MGAT5B: variants seen among roughly 807,000 people sequenced by gnomAD.
MGAT5B encodes N-acetylglucosaminyl-transferase Vb.
A neutral mutation model predicts 95.1 loss-of-function variants in MGAT5B; 54 were observed. The observed-to-expected ratio is 0.57, with a 90% confidence interval of 0.46 to 0.71. The LOEUF (loss-of-function observed/expected upper bound fraction) is 0.71. Among genes scored for constraint, MGAT5B ranks in the 30% least tolerant of loss-of-function variants. The pLI is 0.00. For synonymous variants in MGAT5B, 464 were observed against 451.0 expected, an observed-to-expected ratio of 1.03 and a Z score of -0.36; for missense variants, 935 against 1,088.6, an observed-to-expected ratio of 0.86 and a Z score of 1.99.
intron 8 of MGAT5B, among the ~76,000 whole-genome samples, chr17:76,920,803 C>T (rs1324991561): frequency 6.6e-6 from 1 of 152,214 alleles, no homozygotes; most frequent in African/African-American, 2.4e-5. Context: ...ACCAAGGCAC[C>T]TTCACCCCTG....
chr17:76,934,967 T>G (rs1471356096), intron 12 of MGAT5B, among the ~76,000 whole-genome samples: 1 of 152,082 alleles, frequency 6.6e-6, no homozygotes. Context: ...TTATCATCCT[T>G]CCAGGGAGCA....
At chr17:76,877,676 G>C (rs1043253863) in intron 2 of MGAT5B, among the ~76,000 whole-genome samples, 1 of 152,158 alleles carries the variant, frequency 6.6e-6, no homozygotes, top group East Asian at 1.9e-4. Context: ...TGGTTTCTGC[G>C]GTGAGCGAGT....
At chr17:76,877,056 TG>T (rs1277459660) in intron 2 of MGAT5B, among the ~76,000 whole-genome samples, 1 of 152,058 alleles carries the variant, frequency 6.6e-6, no homozygotes. Flanking sequence ...CTGGGTGTGG[TG>T]GCTCACGCCT....
At chr17:76,927,726 T>C (rs928836171) in intron 10 of MGAT5B, among the ~76,000 whole-genome samples, 5 of 152,246 alleles carry the variant, frequency 3.3e-5, no homozygotes, top group African/African-American at 7.2e-5. Flanking sequence ...TCGTGTCTGG[T>C]TCACGCTGCG....
At chr17:76,875,022 C>T (rs535011801) in intron 2 of MGAT5B, among the ~76,000 whole-genome samples, 2 of 152,314 alleles carry the variant, frequency 1.3e-5, no homozygotes, top group South Asian at 4.2e-4. Flanking sequence ...AATGAACAAT[C>T]CATGCAACTA....
chr17:76,948,638 A>G lies in MGAT5B; in HGVS notation c.2181-2A>G. On this transcript the variant is annotated splice_acceptor_variant, in intron 17 of 17. Coordinates refer to ENST00000569840, the MANE Select transcript of MGAT5B (RefSeq NM_001199172.2). LOFTEE classifies it high-confidence loss of function. ...GTGACGGTGCTGTGTGGTCCCTGCC[A>G]GGCTGCAGGTGCCCTGTGACAGCAC... 2 of 1,610,268 alleles carry G rather than the reference A, an allele frequency of 1.2e-6. No individual in the cohort carries two copies. The highest frequency in any genetic ancestry group is 1.7e-6 in the Non-Finnish European group (2 of 1,178,724).
In MGAT5B at chr17:76,926,664, C is replaced by T; in HGVS notation, c.1225C>T (p.Leu409=). Reference sequence around the variant, plus strand: ...GTACAACCACGAGGAGTACGCCACGCTGCACGGCTACCGGACCAACTGGGG... The same window carrying T: ...GTACAACCACGAGGAGTACGCCACGTTGCACGGCTACCGGACCAACTGGGG... ...PAYNHEEYAT[L]HGYRTNWGYW... Residue 409 remains leucine, a synonymous_variant, in exon 10 of 18, where the codon CTG becomes TTG. Transcript: ENST00000569840. 6.2e-7 allele frequency: 1 copy of T among 1,612,736 alleles called. No homozygotes were observed. The highest frequency in any genetic ancestry group is 8.5e-7 in the Non-Finnish European group (1 of 1,179,922).
chr17:76,932,414 G>A (rs1368626698), intron 10 of MGAT5B, among the ~76,000 whole-genome samples: 1 of 152,080 alleles, frequency 6.6e-6, no homozygotes, highest in Non-Finnish European at 1.5e-5. Flanking sequence ...GATTATAGGC[G>A]TGAGTCACCA....
chr17:76,921,672 G>C (rs1228117145), intron 8 of MGAT5B, among the ~76,000 whole-genome samples: 1 of 152,174 alleles, frequency 6.6e-6, no homozygotes, highest in African/African-American at 2.4e-5. Flanking sequence ...GGCTGCAGCT[G>C]TTGCTTCCAC....
In MGAT5B at chr17:76,870,367, G is replaced by A. The variant is rs1020249180; in HGVS notation, c.68+1270G>A. Reference sequence around the variant, plus strand: ...CCGTGGGTGGTGATGGGGGCGTCGGGAGCCCATGGGAAGCAGGGCGGGAAG... The same window carrying A: ...CCGTGGGTGGTGATGGGGGCGTCGGAAGCCCATGGGAAGCAGGGCGGGAAG... On this transcript the variant is annotated intron_variant, in intron 1 of 17. Transcript: ENST00000569840. This position sits in a 1 kb window ranked among gnomAD's most constrained non-coding sequence, Gnocchi z 5.0. Among the ~76,000 whole-genome samples, 2 of 152,136 alleles carry A rather than the reference G, an allele frequency of 1.3e-5. No individual in the cohort carries two copies. Among genetic ancestry groups the A allele is most frequent in the African/African-American group, 2.4e-5 (1 of 41,450 alleles).
chr17:76,932,958 C>T (rs1969542260), intron 11 of MGAT5B, among the ~76,000 whole-genome samples, 183 bp downstream of exon 11: 1 of 152,252 alleles, frequency 6.6e-6, no homozygotes, highest in Admixed American at 6.5e-5. Flanking sequence ...AGACACCCAG[C>T]CTAGGAGCTG....
At position 76,906,633 on chromosome 17, in the gene MGAT5B, C is replaced by T. The variant is rs927393936; in HGVS notation, c.1025+446C>T. 6.6e-6 allele frequency among the ~76,000 whole-genome samples: 1 copy of T among 152,050 alleles called. No homozygotes were observed. The highest frequency in any genetic ancestry group is 1.5e-5 in the Non-Finnish European group (1 of 68,020). Reference sequence around the variant, plus strand: ...AAGGGGCGTGGTTGGGTGGGTGGTGCCTGTCCCTTACCCAGTGCTGGGCTT... The same window carrying T: ...AAGGGGCGTGGTTGGGTGGGTGGTGTCTGTCCCTTACCCAGTGCTGGGCTT... On this transcript the variant is annotated intron_variant, in intron 8 of 17. Coordinates refer to ENST00000569840, the MANE Select transcript of MGAT5B (RefSeq NM_001199172.2). This position sits in a 1 kb window ranked among gnomAD's most constrained non-coding sequence, Gnocchi z 4.6.
chr17:76,947,615 G>A (rs1970072460), intron 16 of MGAT5B, among the ~76,000 whole-genome samples: 1 of 152,230 alleles, frequency 6.6e-6, no homozygotes, highest in African/African-American at 2.4e-5. Context: ...CTGGGCGGAT[G>A]CCGTGACCTC....
chr17:76,923,630 G>A (rs1012718476), intron 8 of MGAT5B, among the ~76,000 whole-genome samples: 2 of 152,164 alleles, frequency 1.3e-5, no homozygotes, highest in African/African-American at 4.8e-5. Context: ...CCTCCACCGT[G>A]CCTCAGCACA....
rs1292858740 is a variant in MGAT5B, at chr17:76,868,895, G to A, written c.-135G>A. Reference sequence around the variant, plus strand: ...CCCAGGCCTGAGCAGCGAGGCCACCGGGCCGCGCGCTCCCAGCTTCGCTCG... The same window carrying A: ...CCCAGGCCTGAGCAGCGAGGCCACCAGGCCGCGCGCTCCCAGCTTCGCTCG... On this transcript the variant is annotated 5_prime_UTR_variant, in exon 1 of 18. Transcript: ENST00000569840. This position sits in a 1 kb window ranked among gnomAD's most constrained non-coding sequence, Gnocchi z 6.3. 5.4e-6 allele frequency: 4 copies of A among 736,626 alleles called. No individual in the cohort carries two copies. Among genetic ancestry groups the A allele is most frequent in the Non-Finnish European group, 8.4e-6 (4 of 475,888 alleles). The allele number at this position is 736,626 out of a possible 1,614,324, so 45.6% of individuals were successfully genotyped here.
intron 12 of MGAT5B, among the ~76,000 whole-genome samples, chr17:76,935,607 T>C (rs1969625830): frequency 7.0e-6 from 1 of 142,358 alleles, no homozygotes; most frequent in African/African-American, 2.7e-5. Context: ...CCATATATCT[T>C]TTTTTTTTTT....
intron 2 of MGAT5B, 126 bp downstream of exon 2, chr17:76,873,089 G>A: frequency 2.8e-6 from 3 of 1,057,886 alleles, no homozygotes; most frequent in Non-Finnish European, 4.1e-6. Context: ...TGAGTGGAGG[G>A]GGCCTGGGCT....
chr17:76,881,632 A>T (rs188290989), intron 2 of MGAT5B, among the ~76,000 whole-genome samples: 5 of 152,308 alleles, frequency 3.3e-5, no homozygotes, highest in South Asian at 2.1e-4. Flanking sequence ...ATCTAGACCA[A>T]GGCCCAGAAA....
At chr17:76,902,509 T>C in intron 3 of MGAT5B, 46 bp from the exon 4 acceptor site, 1 of 1,449,086 alleles carries the variant, frequency 6.9e-7, no homozygotes, top group Non-Finnish European at 9.4e-7. Flanking sequence ...CATGGGAAGG[T>C]CACCCCGGCC....
Sources: gnomAD v4.1 joint callset for allele counts (sites outside exome capture counted in the v4.1 genomes callset) on GRCh38, gnomAD v4.1.1 for gene constraint, Gnocchi (gnomAD v3.1) non-coding constraint, MANE v1.5 for transcripts, NCBI Gene and HGNC (gene_info 2026-07-23, HGNC 2026-07-21) for gene names.